The following SPOP variants were observed in gnomAD, a reference collection of about 807,000 sequenced individuals.
SPOP encodes the protein speckle-type POZ protein.
SPOP carries 11 observed loss-of-function variants against 45.6 expected under a neutral mutation model. The observed-to-expected ratio is 0.24, with a 90% CI of 0.15 to 0.40. SPOP has a LOEUF of 0.40. Ranked by LOEUF, SPOP falls within the 10% of genes least tolerant of loss-of-function variation. The probability of loss-of-function intolerance (pLI) is 1.00; values close to 1 mark genes in which losing one functional copy is unlikely to be tolerated. For missense variants in SPOP, 152 were observed against 465.6 expected, an observed-to-expected ratio of 0.33 and a Z score of 6.20; for synonymous variants, 166 against 166.3, an observed-to-expected ratio of 1.00 and a Z score of 0.01.
At chr17:49,630,278 T>C (rs1274780319) in intron 1 of SPOP, among the ~76,000 whole-genome samples, 1 of 152,222 alleles carries the variant, frequency 6.6e-6, no homozygotes, top group Non-Finnish European at 1.5e-5. Context: ...TTTTTTCTGT[T>C]ACAGTGTGCT....
chr17:49,647,541 C>T (rs1448540428), intron 1 of SPOP, among the ~76,000 whole-genome samples: 1 of 151,904 alleles, frequency 6.6e-6, no homozygotes, highest in Admixed American at 6.6e-5. Context: ...AATGCAGTAG[C>T]GCAATCTCGG....
intron 1 of SPOP, among the ~76,000 whole-genome samples, chr17:49,658,229 TAGAGAAATGCCCAATA>T (rs1480840481): frequency 6.6e-6 from 1 of 152,210 alleles, no homozygotes; most frequent in Non-Finnish European, 1.5e-5. Context: ...CATACACATT[TAGAGAAATGCCCAATA>T]AGATGTTCAG....
At chr17:49,630,370 G>C (rs1335565728) in intron 1 of SPOP, among the ~76,000 whole-genome samples, 1 of 152,106 alleles carries the variant, frequency 6.6e-6, no homozygotes, top group Non-Finnish European at 1.5e-5. Context: ...GACTTCTACT[G>C]TTGCAAGGTT....
chr17:49,618,793 T>C (rs775012793), intron 5 of SPOP, among the ~76,000 whole-genome samples, 188 bp downstream of exon 5: 17 of 152,252 alleles, frequency 1.1e-4, no homozygotes, highest in Middle Eastern at 3.4e-3. Context: ...CAGTAACAAG[T>C]GGAAAGCTGA....
intron 1 of SPOP, among the ~76,000 whole-genome samples, chr17:49,651,922 G>T (rs2143492584): frequency 6.6e-6 from 1 of 152,180 alleles, no homozygotes; most frequent in Middle Eastern, 3.4e-3. Flanking sequence ...GGGAGGCTGA[G>T]GCATGAAAAT....
At chr17:49,606,207 G>A (rs1482087084) in intron 8 of SPOP, among the ~76,000 whole-genome samples, 2 of 152,042 alleles carry the variant, frequency 1.3e-5, no homozygotes, top group Non-Finnish European at 2.9e-5. Context: ...AGGCTGGAAT[G>A]CAATGGTGCA....
intron 1 of SPOP, among the ~76,000 whole-genome samples, chr17:49,647,067 A>G (rs533603900): frequency 1.3e-5 from 2 of 152,218 alleles, no homozygotes; most frequent in African/African-American, 4.8e-5. Context: ...AGGCAGGCAC[A>G]TCGCCTGAGC....
chr17:49,612,344 T>G (rs150227558), intron 5 of SPOP, among the ~76,000 whole-genome samples: 61 of 152,336 alleles, frequency 4.0e-4, no homozygotes, highest in African/African-American at 1.4e-3. Context: ...AGGACCAGAC[T>G]TGGAAGATCT....
chr17:49,670,690 AT>A (rs1437363824), intron 1 of SPOP, among the ~76,000 whole-genome samples: 1 of 152,198 alleles, frequency 6.6e-6, no homozygotes, highest in African/African-American at 2.4e-5. Context: ...TTCAGAAAAC[AT>A]TGTGGCTGCC....
chr17:49,642,916 T>C (rs2072685949), intron 1 of SPOP, among the ~76,000 whole-genome samples: 1 of 152,250 alleles, frequency 6.6e-6, no homozygotes, highest in Admixed American at 6.5e-5. Flanking sequence ...GAATACGTCA[T>C]CTATGTTAAA....
intron 1 of SPOP, among the ~76,000 whole-genome samples, chr17:49,657,914 G>C (rs1432576843): frequency 6.6e-6 from 1 of 151,444 alleles, no homozygotes; most frequent in Non-Finnish European, 1.5e-5. Context: ...TGTTAGCCAG[G>C]ATGGTCTCAA....
chr17:49,669,075 CTT>C (rs34762029), intron 1 of SPOP, among the ~76,000 whole-genome samples: 6 of 148,928 alleles, frequency 4.0e-5, no homozygotes, highest in Admixed American at 1.3e-4. Context: ...CGCGCCCGGC[CTT>C]TTTTTTTTGA....
At chr17:49,659,544 C>G (rs2072959435) in intron 1 of SPOP, among the ~76,000 whole-genome samples, 1 of 152,182 alleles carries the variant, frequency 6.6e-6, no homozygotes, top group Non-Finnish European at 1.5e-5. Context: ...CTGACACTAT[C>G]CTGATTCAAA....
intron 8 of SPOP, among the ~76,000 whole-genome samples, chr17:49,603,249 T>C (rs1309459814): frequency 6.6e-6 from 1 of 152,250 alleles, no homozygotes; most frequent in East Asian, 1.9e-4. Flanking sequence ...ACAGTTTCCA[T>C]GGAAAACAGG....
chr17:49,670,120 C>T (rs898421111), intron 1 of SPOP, among the ~76,000 whole-genome samples: 1 of 152,224 alleles, frequency 6.6e-6, no homozygotes, highest in Admixed American at 6.5e-5. Flanking sequence ...CCCAAAGCTG[C>T]ATGACCAGCT....
intron 1 of SPOP, among the ~76,000 whole-genome samples, chr17:49,650,574 C>T (rs1489023241): frequency 2.0e-5 from 3 of 151,834 alleles, no homozygotes; most frequent in South Asian, 2.1e-4. Context: ...AGCAAGACTC[C>T]GTTTCAAAAA....
chr17:49,639,346 T>A (rs2072603969), intron 1 of SPOP, among the ~76,000 whole-genome samples: 1 of 152,100 alleles, frequency 6.6e-6, no homozygotes, highest in South Asian at 2.1e-4. Context: ...ACCACCAGTT[T>A]GGAAAATAGT....
At chr17:49,666,297 A>G (rs751694297) in intron 1 of SPOP, among the ~76,000 whole-genome samples, 9 of 152,126 alleles carry the variant, frequency 5.9e-5, no homozygotes, top group Non-Finnish European at 1.0e-4. Context: ...TTATGAAAAA[A>G]AAAAGTGATC....
intron 1 of SPOP, among the ~76,000 whole-genome samples, chr17:49,657,696 C>CTTTT (rs34194099): frequency 4.0e-5 from 4 of 100,948 alleles, no homozygotes; most frequent in East Asian, 3.3e-4. Flanking sequence ...CGCACCCGGC[C>CTTTT]TTTTTTTTTT....
Sources: allele counts gnomAD v4.1 joint callset (sites outside exome capture counted in the v4.1 genomes callset), GRCh38; gene constraint gnomAD v4.1.1; transcripts MANE v1.5; gene names NCBI Gene and HGNC (gene_info 2026-07-23, HGNC 2026-07-21).